The following ZC3H11A variants were observed in gnomAD, a reference collection of about 807,000 sequenced individuals.
ZC3H11A encodes the protein zinc finger CCCH domain-containing protein 11A.
Under a neutral mutation model 90.8 loss-of-function variants are expected in ZC3H11A, and 22 were observed. The ratio of observed to expected loss-of-function variants is 0.24; its 90% confidence interval spans 0.17 to 0.35. The LOEUF is 0.35. Ranked by LOEUF, ZC3H11A falls within the 10% of genes least tolerant of loss-of-function variation. ZC3H11A has a pLI of 1.00. For synonymous variants in ZC3H11A, 294 were observed against 339.8 expected, an observed-to-expected ratio of 0.87 and a Z score of 1.48; for missense variants, 701 against 964.9, an observed-to-expected ratio of 0.73 and a Z score of 3.62.
rs59254922 is a variant in ZC3H11A at position 203,815,216 on chromosome 1, C to CTTTTTTTTTTT, written c.-145-1704_-145-1694dup. Reference sequence around the variant, plus strand: ...TTCATTATTTTCTTCCTTTTCTTTTCTTTTTTTTTTTTTTTTGAGACAGTG... The same window carrying CTTTTTTTTTTT: ...TTCATTATTTTCTTCCTTTTCTTTTCTTTTTTTTTTTTTTTTTTTTTTTTTTTGAGACAGTG... On this transcript the variant is annotated intron_variant, in intron 2 of 17. Transcript: ENST00000367210. Among the ~76,000 whole-genome samples, 104 of 97,112 alleles carry CTTTTTTTTTTT rather than the reference C, an allele frequency of 1.1e-3. 5 individuals carry two copies. The highest frequency in any genetic ancestry group is 2.1e-3 in the South Asian group (6 of 2,842). The allele number at this position is 97,112 out of a possible 152,430, so 63.7% of individuals were successfully genotyped here.
chr1:203,838,123 A>C (rs1684952078), intron 11 of ZC3H11A, 59 bp downstream of exon 11: 30 of 1,470,740 alleles, frequency 2.0e-5, no homozygotes, highest in Non-Finnish European at 2.8e-5. Flanking sequence ...GTGTCTTGTA[A>C]TGCTAACAGC....
intron 2 of ZC3H11A, among the ~76,000 whole-genome samples, chr1:203,805,419 C>T (rs970215318): frequency 2.0e-5 from 3 of 152,188 alleles, no homozygotes; most frequent in Admixed American, 1.3e-4. Context: ...GTGTGAGCCA[C>T]CGCGCCCTGC....
At chr1:203,847,051 C>T (rs1345005533) in intron 12 of ZC3H11A, 133 bp from the exon 13 acceptor site, 3 of 956,366 alleles carry the variant, frequency 3.1e-6, no homozygotes, top group South Asian at 1.7e-5. Flanking sequence ...AAATGTTACC[C>T]TTTTGATCCT....
At chr1:203,796,471 A>AG (rs2102325222) in intron 1 of ZC3H11A, 1 of 399,064 alleles carries the variant, frequency 2.5e-6, no homozygotes, top group African/African-American at 2.1e-5. Flanking sequence ...ACCGTAATGA[A>AG]GAACACCCCT....
chr1:203,822,354 T>C (rs892755346), intron 4 of ZC3H11A, among the ~76,000 whole-genome samples: 2 of 152,072 alleles, frequency 1.3e-5, no homozygotes, highest in African/African-American at 4.8e-5. Flanking sequence ...TAGTACTCTG[T>C]GCTAAGCCTC....
chr1:203,799,459 G>A (rs1432854050), intron 1 of ZC3H11A: 1 of 703,020 alleles, frequency 1.4e-6, no homozygotes, highest in Non-Finnish European at 2.6e-6. Flanking sequence ...GACGAAACTG[G>A]CCATTGGATT....
chr1:203,837,834 C>G, intron 10 of ZC3H11A, 132 bp from the exon 11 acceptor site: 1 of 795,918 alleles, frequency 1.3e-6, no homozygotes, highest in Non-Finnish European at 2.0e-6. Flanking sequence ...TCTAAGGAAG[C>G]TGGTGAACAA....
chr1:203,847,258 C>T lies in ZC3H11A; in HGVS notation c.1117C>T (p.Arg373Cys), dbSNP rs768498480. 4.3e-6 allele frequency: 7 copies of T among 1,613,668 alleles called. No individual in the cohort carries two copies. The highest frequency in any genetic ancestry group is 2.2e-5 in the East Asian group (1 of 44,876). The change falls in exon 13 of 18, where the codon CGT becomes TGT. Residue 373 changes from arginine (R) to cysteine (C), a missense_variant. Transcript: ENST00000367210. ...EILLERASQKRGELQTKLKTE... is the reference protein window; with the variant it reads ...EILLERASQKCGELQTKLKTE... The stretch of plus-strand genomic sequence containing the variant: ...TCTTCTTGAAAGAGCCAGTCAGAAA[C>T]GTGGAGAATTGCAAACTAAACTCAA...
intron 1 of ZC3H11A, chr1:203,799,046 G>A (rs752573113): frequency 5.4e-5 from 83 of 1,536,132 alleles, no homozygotes; most frequent in Admixed American, 3.9e-4. Flanking sequence ...TGGAAACTGC[G>A]TCTTTTCTCA....
At chr1:203,805,502 T>C (rs1365992536) in intron 2 of ZC3H11A, 2 of 450,480 alleles carry the variant, frequency 4.4e-6, no homozygotes, top group Non-Finnish European at 8.8e-6. Context: ...AGAAGAGCAA[T>C]GTAATTAAAC....
intron 3 of ZC3H11A, 63 bp from the exon 4 acceptor site, chr1:203,818,507 A>T: frequency 6.2e-7 from 1 of 1,605,006 alleles, no homozygotes; most frequent in Non-Finnish European, 8.5e-7. Flanking sequence ...AGCTCTTGTT[A>T]TGGATATTTT....
chr1:203,838,081 A>G lies in ZC3H11A; in HGVS notation c.973+17A>G, dbSNP rs1558133052. On this transcript the variant is annotated intron_variant, in intron 11 of 17. Transcript: ENST00000367210. ...CAAAGAAAGGTACCTGTGTTCTTAC[A>G]TACTTTGTGTGTGTATGTAATTATG... 2.5e-6 allele frequency: 4 copies of G among 1,611,510 alleles called. No homozygotes were observed. In the South Asian group the frequency reaches 3.3e-5, roughly 13 times the overall value.
chr1:203,828,851 C>A (rs1681382716), intron 5 of ZC3H11A, among the ~76,000 whole-genome samples: 1 of 152,046 alleles, frequency 6.6e-6, no homozygotes, highest in African/African-American at 2.4e-5. Context: ...ACCATATGGC[C>A]CACAAAGCCT....
intron 4 of ZC3H11A, among the ~76,000 whole-genome samples, chr1:203,825,129 T>A (rs1572136983): frequency 1.3e-5 from 2 of 150,426 alleles, no homozygotes; most frequent in South Asian, 4.2e-4. Context: ...TGTTCAAGTG[T>A]GAGTTACAGT....
chr1:203,847,791 A>G, intron 13 of ZC3H11A, 104 bp downstream of exon 13: 1 of 1,487,480 alleles, frequency 6.7e-7, no homozygotes, highest in Non-Finnish European at 9.0e-7. Flanking sequence ...TTCTTTACTC[A>G]GATAACGTTG....
intron 4 of ZC3H11A, among the ~76,000 whole-genome samples, chr1:203,820,032 C>T (rs1033149326): frequency 2.0e-5 from 3 of 151,044 alleles, no homozygotes; most frequent in Non-Finnish European, 3.0e-5. Context: ...ATCAGGAGTT[C>T]GAGACCAGCC....
chr1:203,828,473 C>T (rs1376551682), intron 5 of ZC3H11A, 51 bp downstream of exon 5: 6 of 1,554,770 alleles, frequency 3.9e-6, no homozygotes, highest in Non-Finnish European at 5.2e-6. Context: ...ACCTATTATG[C>T]ACACTGTACA....
intron 2 of ZC3H11A, among the ~76,000 whole-genome samples, chr1:203,806,979 A>G (rs1672622596): frequency 1.3e-5 from 2 of 151,948 alleles, no homozygotes; most frequent in South Asian, 2.1e-4. Context: ...AGTAAATATA[A>G]TGAGTTTCCT....
chr1:203,851,010 T>G, intron 16 of ZC3H11A, 47 bp from the exon 17 acceptor site: 1 of 1,597,532 alleles, frequency 6.3e-7, no homozygotes, highest in Non-Finnish European at 8.5e-7. Context: ...TATGCTCAAA[T>G]TAAAAAGCCT....
Sources: allele counts gnomAD v4.1 joint callset (sites outside exome capture counted in the v4.1 genomes callset), GRCh38; gene constraint gnomAD v4.1.1; transcripts MANE v1.5; gene names NCBI Gene and HGNC (gene_info 2026-07-23, HGNC 2026-07-21).